PPP1R9A: variants seen among roughly 807,000 people sequenced by gnomAD.
PPP1R9A encodes neurabin-1.
Under a neutral mutation model 141.9 loss-of-function variants are expected in PPP1R9A, and 59 were observed. That is an observed-to-expected ratio of 0.42 (90% CI 0.34 to 0.52). The LOEUF (loss-of-function observed/expected upper bound fraction) is 0.52, where lower values mean the gene tolerates loss of function less well. Ranked by LOEUF, PPP1R9A falls within the 20% of genes least tolerant of loss-of-function variation. The pLI, the probability that PPP1R9A is intolerant of heterozygous loss-of-function variation, is 0.10. For missense variants in PPP1R9A, 1,444 were observed against 1,611.9 expected, an observed-to-expected ratio of 0.90 and a Z score of 1.78; for synonymous variants, 500 against 569.7, an observed-to-expected ratio of 0.88 and a Z score of 1.74.
chr7:95,194,221 T>TA (rs1204996974), intron 5 of PPP1R9A, among the ~76,000 whole-genome samples: 1 of 152,058 alleles, frequency 6.6e-6, no homozygotes, highest in Non-Finnish European at 1.5e-5. Flanking sequence ...TTCTGACATT[T>TA]AAAAATTTAC....
At position 95,043,351 on chromosome 7, in the gene PPP1R9A, C is replaced by G. The variant is rs141704688; in HGVS notation, c.1396-67908C>G. ...CACTAAATACCCTTGCTTGTGCTTT[C>G]TATAAAATTAAAATATTTTGGACAG... On this transcript the variant is annotated intron_variant, in intron 2 of 19. Transcript: ENST00000433360. Among the ~76,000 whole-genome samples, 980 of 152,270 alleles carry G rather than the reference C, an allele frequency of 6.4e-3. 11 individuals carry two copies. Among genetic ancestry groups the G allele is most frequent in the African/African-American group, 0.022 (932 of 41,552 alleles).
intron 2 of PPP1R9A, among the ~76,000 whole-genome samples, chr7:94,974,454 A>G (rs1799210320): frequency 6.6e-6 from 1 of 152,174 alleles, no homozygotes; most frequent in Non-Finnish European, 1.5e-5. Flanking sequence ...TCCAAATGGA[A>G]CGAGCTGTCC....
intron 7 of PPP1R9A, among the ~76,000 whole-genome samples, chr7:95,211,897 G>A (rs938747396): frequency 6.6e-6 from 1 of 152,146 alleles, no homozygotes; most frequent in Non-Finnish European, 1.5e-5. Flanking sequence ...AGCTGAGGTG[G>A]GAAGATCACT....
chr7:95,286,796 G>A (rs571186220), intron 18 of PPP1R9A, among the ~76,000 whole-genome samples: 2 of 152,194 alleles, frequency 1.3e-5, no homozygotes, highest in East Asian at 1.9e-4. Context: ...AATTAGTATT[G>A]CTACAAATTA....
At position 95,269,276 on chromosome 7, in the gene PPP1R9A, T is replaced by C. The variant is rs1342160315; in HGVS notation, c.2893T>C (p.Ser965Pro). ...LLPPKGLRTS[S>P]PESDSGVPPL... is the part of the protein sequence containing the mutation. ...TCCACCTAAGGGTTTGAGAACGTCT[T>C]CTCCAGAATCAGATTCTGGTGTTCC... The change falls in exon 14 of 20, where the codon TCT (serine) becomes CCT (proline). Residue 965 changes from serine (S) to proline (P), a missense_variant. Coordinates refer to ENST00000433360, the MANE Select transcript of PPP1R9A (RefSeq NM_001166160.2). 6.3e-7 allele frequency: 1 copy of C among 1,583,296 alleles called. No homozygotes were observed. Among genetic ancestry groups the C allele is most frequent in the South Asian group, 1.1e-5 (1 of 90,648 alleles).
At chr7:95,232,467 G>T (rs1363509113) in intron 8 of PPP1R9A, among the ~76,000 whole-genome samples, 3 of 152,104 alleles carry the variant, frequency 2.0e-5, no homozygotes, top group Non-Finnish European at 2.9e-5. Flanking sequence ...CATAGGCAAA[G>T]ACTTCATGAC....
At chr7:94,935,580 A>G (rs1237964015) in intron 2 of PPP1R9A, among the ~76,000 whole-genome samples, 5 of 152,212 alleles carry the variant, frequency 3.3e-5, no homozygotes, top group Admixed American at 2.0e-4. Flanking sequence ...CTTCTGGAAC[A>G]CAGTTGGATA....
chr7:95,211,509 C>T (rs1563425015), intron 7 of PPP1R9A, among the ~76,000 whole-genome samples: 1 of 152,178 alleles, frequency 6.6e-6, no homozygotes, highest in African/African-American at 2.4e-5. Context: ...AATCTCAGCA[C>T]TAGTTATGCA....
At chr7:95,134,895 G>T (rs1263235890) in intron 4 of PPP1R9A, among the ~76,000 whole-genome samples, 1 of 152,056 alleles carries the variant, frequency 6.6e-6, no homozygotes, top group African/African-American at 2.4e-5. Context: ...TCTAGTCTTT[G>T]TGAGGGTCAT....
At chr7:94,974,171 T>C (rs1799173991) in intron 2 of PPP1R9A, among the ~76,000 whole-genome samples, 1 of 152,170 alleles carries the variant, frequency 6.6e-6, no homozygotes, top group Non-Finnish European at 1.5e-5. Context: ...AGATAGAGGT[T>C]CTGAAACTTG....
intron 7 of PPP1R9A, among the ~76,000 whole-genome samples, chr7:95,212,369 A>C (rs999246031): frequency 1.3e-5 from 2 of 152,010 alleles, no homozygotes; most frequent in African/African-American, 4.8e-5. Flanking sequence ...GGATATTTTA[A>C]AGAATTTTAA....
chr7:95,195,053 C>G lies in PPP1R9A; in HGVS notation c.1755-3296C>G, dbSNP rs937111244. Reference sequence around the variant, plus strand: ...ACCTAAATATTTATTATATAGTAATCAGAGAAGTGTGTTATTAGCATATGA... The same window carrying G: ...ACCTAAATATTTATTATATAGTAATGAGAGAAGTGTGTTATTAGCATATGA... On this transcript the variant is annotated intron_variant, in intron 5 of 19. Coordinates refer to ENST00000433360, the MANE Select transcript of PPP1R9A (RefSeq NM_001166160.2). Among the ~76,000 whole-genome samples the G allele has an allele frequency of 2.6e-5, 4 of 152,002 alleles. 1 individual carries two copies. The South Asian group carries it at 8.3e-4, about 32-fold the overall frequency.
chr7:95,111,490 A>C, intron 3 of PPP1R9A, 99 bp downstream of exon 3: 1 of 1,176,886 alleles, frequency 8.5e-7, no homozygotes, highest in Non-Finnish European at 1.2e-6. Flanking sequence ...ATTGGATAAA[A>C]TTTTAATTCT....
At chr7:95,085,090 G>A (rs1816424380) in intron 2 of PPP1R9A, among the ~76,000 whole-genome samples, 1 of 151,964 alleles carries the variant, frequency 6.6e-6, no homozygotes, top group Non-Finnish European at 1.5e-5. Context: ...TCCAATGGAT[G>A]TAAAATGGAA....
intron 2 of PPP1R9A, among the ~76,000 whole-genome samples, chr7:94,998,915 CA>C (rs1368473356): frequency 6.6e-6 from 1 of 152,092 alleles, no homozygotes; most frequent in Non-Finnish European, 1.5e-5. Context: ...AGATATAAGC[CA>C]CTATGCCTGG....
At chr7:95,227,037 T>C (rs910747423) in intron 8 of PPP1R9A, among the ~76,000 whole-genome samples, 4 of 152,178 alleles carry the variant, frequency 2.6e-5, no homozygotes, top group Admixed American at 6.5e-5. Flanking sequence ...TTAACTGATA[T>C]CTTCAAACCA....
intron 2 of PPP1R9A, among the ~76,000 whole-genome samples, chr7:94,929,338 G>A (rs116033251): frequency 6.6e-6 from 1 of 152,196 alleles, no homozygotes; most frequent in East Asian, 1.9e-4. Context: ...GATGCTGTGA[G>A]TGCGGAGAGG....
chr7:94,933,351 G>T (rs538862572), intron 2 of PPP1R9A, among the ~76,000 whole-genome samples: 1 of 152,234 alleles, frequency 6.6e-6, no homozygotes, highest in South Asian at 2.1e-4. Context: ...TGAACTATTT[G>T]CAGAAATGCT....
chr7:95,181,338 A>G (rs1417568846), intron 5 of PPP1R9A, among the ~76,000 whole-genome samples: 1 of 141,636 alleles, frequency 7.1e-6, no homozygotes, highest in Non-Finnish European at 1.5e-5. Flanking sequence ...TAGAATATAT[A>G]GAATATATAT....
Sources: allele counts gnomAD v4.1 joint callset (sites outside exome capture counted in the v4.1 genomes callset), GRCh38; gene constraint gnomAD v4.1.1; transcripts MANE v1.5; gene names NCBI Gene and HGNC (gene_info 2026-07-23, HGNC 2026-07-21).